Variants in ENPP4 observed in about 807,000 individuals in gnomAD.
ENPP4 encodes ectonucleotide pyrophosphatase/phosphodiesterase 4, also known as bis(5'-adenosyl)-triphosphatase ENPP4.
A neutral mutation model predicts 33.4 loss-of-function variants in ENPP4; 18 were observed. That is an observed-to-expected ratio of 0.54 (90% CI 0.37 to 0.80). The LOEUF (loss-of-function observed/expected upper bound fraction) is 0.80, where lower values mean the gene tolerates loss of function less well. Among genes scored for constraint, ENPP4 ranks in the 30% least tolerant of loss-of-function variants. The pLI, the probability that ENPP4 is intolerant of heterozygous loss-of-function variation, is 0.00. For synonymous variants in ENPP4, 172 were observed against 189.9 expected (o/e 0.91, Z 0.78); for missense variants, 480 against 541.7 (o/e 0.89, Z 1.13).
chr6:46,133,573 A>G (rs1020869638), intron 1 of ENPP4, among the ~76,000 whole-genome samples: 3 of 152,164 alleles, frequency 2.0e-5, no homozygotes, highest in African/African-American at 7.2e-5. Flanking sequence ...ATTAGAAGGT[A>G]GTTTGTCCCC....
At chr6:46,141,324 A>C (rs1315263957) in intron 3 of ENPP4, 102 bp downstream of exon 3, 6 of 754,116 alleles carry the variant, frequency 8.0e-6, no homozygotes, top group Non-Finnish European at 1.3e-5. Flanking sequence ...AAGTTCACAC[A>C]GAATAATTAG....
chr6:46,139,903 A>G lies in ENPP4; in HGVS notation c.320A>G (p.Asp107Gly), dbSNP rs997753384. 8.7e-6 allele frequency: 14 copies of G among 1,612,760 alleles called. No individual in the cohort carries two copies. In the African/African-American group the frequency reaches 1.3e-4, roughly 15 times the overall value. ...AAGAAACACTTTTCTGACTCTAATG[A>G]CAAGGATCCTTTTTGGTGGAATGAG... is the stretch of plus-strand genomic sequence containing the variant. ...VTKKHFSDSN[D>G]KDPFWWNEAV... is the part of the protein sequence containing the mutation. Residue 107 changes from aspartate to glycine, a missense_variant, in exon 2 of 4, where the codon GAC becomes GGC. Asp to Gly is a moderately conservative substitution (Grantham distance 94, BLOSUM62 -1). Coordinates refer to ENST00000321037, the MANE Select transcript of ENPP4 (RefSeq NM_014936.5).
chr6:46,133,375 G>C (rs1763931602), intron 1 of ENPP4, among the ~76,000 whole-genome samples: 2 of 152,090 alleles, frequency 1.3e-5, no homozygotes, highest in African/African-American at 4.8e-5. Flanking sequence ...CTTATTTATA[G>C]TCATAGAATA....
rs751209507 is a variant in ENPP4 at position 46,139,813 on chromosome 6, T to A, written c.230T>A (p.Ile77Asn). ...AAAACATTTCCAAACCACTACAGTA[T>A]TGTGACAGGCTTGTATGAAGAAAGC... ...ITKTFPNHYS[I>N]VTGLYEESHG... The change falls in exon 2 of 4, where the codon ATT becomes AAT. Residue 77 changes from isoleucine (I) to asparagine (N), a missense_variant. This residue lies in a region of ENPP4 where 227 missense variants were observed against 273.7 expected (regional missense o/e 0.83). Transcript: ENST00000321037. The A allele has an allele frequency of 1.2e-6, 2 of 1,612,500 alleles. No homozygotes were observed. The highest frequency in any genetic ancestry group is 1.7e-6 in the Non-Finnish European group (2 of 1,178,962).
At chr6:46,130,300 C>T (rs1041964664) in intron 1 of ENPP4, 111 bp downstream of exon 1, 7 of 152,988 alleles carry the variant, frequency 4.6e-5, no homozygotes, top group Non-Finnish European at 7.3e-5. Flanking sequence ...ATGACCCACT[C>T]TCCCCCACTA....
chr6:46,136,028 A>G (rs1238203402), intron 1 of ENPP4, among the ~76,000 whole-genome samples: 3 of 152,116 alleles, frequency 2.0e-5, no homozygotes, highest in East Asian at 3.9e-4. Context: ...AAAATAATAC[A>G]TTATGGTGTA....
chr6:46,139,971 T>C lies in ENPP4; in HGVS notation c.388T>C (p.Ser130Pro), dbSNP rs1484659391. The part of the protein sequence containing the change: ...WVTNQLQENR[S>P]SAAAMWPGTD... ...GACCAATCAGCTTCAGGAAAACAGA[T>C]CAAGTGCTGCTGCTATGTGGCCTGG... The change falls in exon 2 of 4, where the codon TCA becomes CCA. Residue 130 changes from serine to proline, a missense_variant. Ser to Pro is a moderately conservative substitution (Grantham distance 74, BLOSUM62 -1). Transcript: ENST00000321037. The C allele has an allele frequency of 6.2e-7, 1 of 1,612,762 alleles. No individual in the cohort carries two copies. Among genetic ancestry groups the C allele is most frequent in the East Asian group, 2.2e-5 (1 of 44,866 alleles).
intron 1 of ENPP4, among the ~76,000 whole-genome samples, chr6:46,130,559 G>C (rs1261259106): frequency 6.6e-6 from 1 of 152,218 alleles, no homozygotes; most frequent in Admixed American, 6.5e-5. Context: ...GGTTTTAAAG[G>C]AGAACCACCC....
At chr6:46,134,483 T>C (rs1401495079) in intron 1 of ENPP4, among the ~76,000 whole-genome samples, 1 of 152,164 alleles carries the variant, frequency 6.6e-6, no homozygotes, top group African/African-American at 2.4e-5. Flanking sequence ...AGAAGCATTT[T>C]GATTTGTGTT....
rs1031434457 is a variant in ENPP4, at chr6:46,139,905, A to G, written c.322A>G (p.Lys108Glu). 1.2e-6 allele frequency: 2 copies of G among 1,612,712 alleles called. No individual in the cohort carries two copies. Among genetic ancestry groups the G allele is most frequent in the Non-Finnish European group, 1.7e-6 (2 of 1,179,034 alleles). ...TKKHFSDSND[K>E]DPFWWNEAVP... ...GAAACACTTTTCTGACTCTAATGAC[A>G]AGGATCCTTTTTGGTGGAATGAGGC... is the stretch of plus-strand genomic sequence containing the variant. The change falls in exon 2 of 4, where the codon AAG becomes GAG. Residue 108 changes from lysine to glutamate, a missense_variant. Around this residue, in one of 3 missense-constraint regions of ENPP4, gnomAD observed 227 missense variants for 273.7 expected, o/e 0.83. Coordinates refer to ENST00000321037, the MANE Select transcript of ENPP4 (RefSeq NM_014936.5).
Position 46,140,022 on chromosome 6 carries a change from A to T in ENPP4, c.439A>T (p.Ile147Phe). The T allele has an allele frequency of 6.2e-7, 1 of 1,612,734 alleles. No homozygotes were observed. Among genetic ancestry groups the T allele is most frequent in the East Asian group, 2.2e-5 (1 of 44,860 alleles). Reference sequence around the variant, plus strand: ...TACTGATGTACCCATTCACGATACCATCTCTTCCTATTTTATGAATTACAA... The same window carrying T: ...TACTGATGTACCCATTCACGATACCTTCTCTTCCTATTTTATGAATTACAA... ...PGTDVPIHDTISSYFMNYNSS... is the reference protein window; with the variant it reads ...PGTDVPIHDTFSSYFMNYNSS... Residue 147 changes from isoleucine (I) to phenylalanine (F), a missense_variant, in exon 2 of 4, where the codon ATC becomes TTC. Physicochemically the swap from Ile to Phe is conservative, Grantham distance 21. Coordinates refer to ENST00000321037, the MANE Select transcript of ENPP4 (RefSeq NM_014936.5).
chr6:46,134,646 C>A (rs1402166954), intron 1 of ENPP4, among the ~76,000 whole-genome samples: 1 of 152,026 alleles, frequency 6.6e-6, no homozygotes, highest in African/African-American at 2.4e-5. Flanking sequence ...TGTTTTGTGG[C>A]AGGACATTTC....
chr6:46,140,507 G>A, intron 2 of ENPP4, 98 bp downstream of exon 2: 1 of 727,128 alleles, frequency 1.4e-6, no homozygotes. Flanking sequence ...GCTTTTTGTA[G>A]TTTAGAACCA....
chr6:46,143,722 A>G lies in ENPP4; in HGVS notation c.*82A>G. On this transcript the variant is annotated 3_prime_UTR_variant, in exon 4 of 4. Coordinates refer to ENST00000321037, the MANE Select transcript of ENPP4 (RefSeq NM_014936.5). Reference sequence around the variant, plus strand: ...CCAAAGAATAGTGTTGTAACTATGAAAAAGAATACTTTGAAAGACAAAGAA... The same window carrying G: ...CCAAAGAATAGTGTTGTAACTATGAGAAAGAATACTTTGAAAGACAAAGAA... 1.5e-6 allele frequency: 2 copies of G among 1,312,228 alleles called. No homozygotes were observed. Among genetic ancestry groups the G allele is most frequent in the Non-Finnish European group, 2.1e-6 (2 of 954,124 alleles). The allele number at this position is 1,312,228 out of a possible 1,614,324, so 81.3% of individuals were successfully genotyped here.
At chr6:46,134,078 TA>T (rs1265421964) in intron 1 of ENPP4, among the ~76,000 whole-genome samples, 1 of 152,188 alleles carries the variant, frequency 6.6e-6, no homozygotes, top group African/African-American at 2.4e-5. Context: ...GAGATGAGAC[TA>T]AATTATTCCT....
intron 1 of ENPP4, among the ~76,000 whole-genome samples, chr6:46,135,743 T>TA (rs1262685199): frequency 2.6e-5 from 4 of 152,022 alleles, no homozygotes; most frequent in Non-Finnish European, 5.9e-5. Context: ...AACCCAGGGT[T>TA]ACAAAAATGT....
intron 1 of ENPP4, among the ~76,000 whole-genome samples, chr6:46,131,957 T>C (rs1763908196): frequency 6.6e-6 from 1 of 151,840 alleles, no homozygotes. Flanking sequence ...AAATGTCTTC[T>C]TTTGAGAAGT....
intron 1 of ENPP4, among the ~76,000 whole-genome samples, chr6:46,131,908 G>C (rs576789431): frequency 9.2e-4 from 140 of 152,322 alleles, no homozygotes; most frequent in African/African-American, 3.3e-3. Context: ...CTGATGGCCA[G>C]TGATGGTGAG....
intron 2 of ENPP4, 145 bp from the exon 3 acceptor site, chr6:46,140,905 ACT>A (rs1764051387): frequency 7.0e-6 from 4 of 568,362 alleles, no homozygotes; most frequent in Non-Finnish European, 1.2e-5. Context: ...AGTCCCCAAC[ACT>A]CTCACATTAT....
Sources: allele counts gnomAD v4.1 joint callset (sites outside exome capture counted in the v4.1 genomes callset), GRCh38; gene constraint gnomAD v4.1.1; regional missense constraint gnomAD v4.1.1; transcripts MANE v1.5; gene names NCBI Gene and HGNC (gene_info 2026-07-23, HGNC 2026-07-21).